The following PALLD variants were observed in gnomAD, a reference collection of about 807,000 sequenced individuals.
PALLD encodes palladin, cytoskeletal associated protein.
In PALLD, 61 loss-of-function variants were observed where a neutral mutation model predicts 123.5. The ratio of observed to expected loss-of-function variants is 0.49; its 90% confidence interval spans 0.40 to 0.61. The LOEUF is 0.61. Among genes scored for constraint, PALLD ranks in the 20% least tolerant of loss-of-function variants. PALLD has a pLI of 0.00. For synonymous variants in PALLD, 465 were observed against 496.4 expected (o/e 0.94, Z 0.84); for missense variants, 1,273 against 1,377.0 (o/e 0.92, Z 1.20).
At chr4:168,891,173 T>C in intron 11 of PALLD, 116 bp downstream of exon 11, 7 of 1,082,686 alleles carry the variant, frequency 6.5e-6, no homozygotes, top group Non-Finnish European at 9.8e-6. Context: ...ATTATTATTA[T>C]TATTTTTGAG....
At chr4:168,836,421 C>G (rs115467954) in intron 10 of PALLD, among the ~76,000 whole-genome samples, 2,757 of 152,186 alleles carry the variant, frequency 0.018, 68 homozygotes, top group African/African-American at 0.061. Context: ...CTGGCAAAAG[C>G]TTTGTATTTT....
At chr4:168,538,097 T>C (rs997782088) in intron 2 of PALLD, among the ~76,000 whole-genome samples, 4 of 152,366 alleles carry the variant, frequency 2.6e-5, no homozygotes, top group South Asian at 4.1e-4. Context: ...ATTGTGCTTA[T>C]ACATAGGCAT....
intron 2 of PALLD, among the ~76,000 whole-genome samples, chr4:168,553,615 G>A (rs1335489837): frequency 2.0e-5 from 3 of 152,172 alleles, no homozygotes; most frequent in South Asian, 2.1e-4. Flanking sequence ...TAGACTGAAC[G>A]TTTGTGTATA....
chr4:168,727,118 G>A (rs1360414971), intron 10 of PALLD, among the ~76,000 whole-genome samples: 1 of 152,144 alleles, frequency 6.6e-6, no homozygotes, highest in Non-Finnish European at 1.5e-5. Context: ...TCTTTATCCA[G>A]TTGACCACTG....
At chr4:168,595,667 A>C (rs1434185747) in intron 2 of PALLD, among the ~76,000 whole-genome samples, 2 of 152,150 alleles carry the variant, frequency 1.3e-5, no homozygotes, top group African/African-American at 2.4e-5. Context: ...TTGCTGTGAC[A>C]ATGTCCTTGG....
At chr4:168,807,854 C>T (rs566361975) in intron 10 of PALLD, among the ~76,000 whole-genome samples, 15 of 152,086 alleles carry the variant, frequency 9.9e-5, no homozygotes, top group African/African-American at 2.7e-4. Flanking sequence ...TACAGGCATG[C>T]GCCACCATGC....
At chr4:168,642,518 C>T (rs1177315898) in intron 2 of PALLD, among the ~76,000 whole-genome samples, 1 of 152,202 alleles carries the variant, frequency 6.6e-6, no homozygotes, top group Non-Finnish European at 1.5e-5. Flanking sequence ...CCTCCTGCCT[C>T]AGCCTCCCGA....
chr4:168,552,153 G>T (rs1766802548), intron 2 of PALLD, among the ~76,000 whole-genome samples: 1 of 152,110 alleles, frequency 6.6e-6, no homozygotes, highest in Non-Finnish European at 1.5e-5. Flanking sequence ...CACCCAAGTT[G>T]ACTCAGCCAG....
intron 3 of PALLD, among the ~76,000 whole-genome samples, chr4:168,675,833 A>C (rs2150054013): frequency 6.6e-6 from 1 of 152,166 alleles, no homozygotes; most frequent in African/African-American, 2.4e-5. Context: ...AGGCAGAAAA[A>C]TCACTTAGTC....
At position 168,847,649 on chromosome 4, in the gene PALLD, C is replaced by T. The variant is rs72975204; in HGVS notation, c.1965-43273C>T. Among the ~76,000 whole-genome samples the T allele has an allele frequency of 8.0e-3, 1,213 of 152,224 alleles. 13 individuals are homozygous for T. Among genetic ancestry groups the T allele is most frequent in the African/African-American group, 0.027 (1,115 of 41,522 alleles). Reference sequence around the variant, plus strand: ...TCTTTACATTTACTTTATTATCGTACTACTTTCACTTTATTTTTTAATTAA... The same window carrying T: ...TCTTTACATTTACTTTATTATCGTATTACTTTCACTTTATTTTTTAATTAA... On this transcript the variant is annotated intron_variant, in intron 10 of 21. Transcript: ENST00000505667.
chr4:168,639,543 A>AC (rs964645640), intron 2 of PALLD, among the ~76,000 whole-genome samples: 2 of 147,010 alleles, frequency 1.4e-5, no homozygotes, highest in Admixed American at 6.7e-5. Context: ...TGGCCATTCA[A>AC]CTTTTTTTTT....
chr4:168,771,647 G>T (rs1041714986), intron 10 of PALLD, among the ~76,000 whole-genome samples: 1 of 152,034 alleles, frequency 6.6e-6, no homozygotes, highest in Non-Finnish European at 1.5e-5. Context: ...CTAACTCTGG[G>T]TGCCCACACC....
At chr4:168,816,414 T>TATATATA (rs1554088402) in intron 10 of PALLD, among the ~76,000 whole-genome samples, 1 of 123,788 alleles carries the variant, frequency 8.1e-6, no homozygotes, top group South Asian at 2.4e-4. Context: ...TATATATATA[T>TATATATA]TTTTTTTAAG....
chr4:168,640,051 T>C (rs1776786271), intron 2 of PALLD, among the ~76,000 whole-genome samples: 1 of 152,188 alleles, frequency 6.6e-6, no homozygotes, highest in Non-Finnish European at 1.5e-5. Flanking sequence ...CAAAGAAGTC[T>C]CATGAAGGTA....
intron 10 of PALLD, among the ~76,000 whole-genome samples, chr4:168,759,006 C>T (rs1732298314): frequency 6.6e-6 from 1 of 150,858 alleles, no homozygotes. Flanking sequence ...GAAACCCCGT[C>T]TCTACTAAAA....
intron 2 of PALLD, among the ~76,000 whole-genome samples, chr4:168,607,721 T>C: frequency 6.6e-6 from 1 of 152,162 alleles, no homozygotes; most frequent in East Asian, 1.9e-4. Flanking sequence ...GTCATGCTGT[T>C]ATTCTGTTCC....
intron 3 of PALLD, among the ~76,000 whole-genome samples, chr4:168,670,497 G>T (rs1056729230): frequency 1.3e-5 from 2 of 151,940 alleles, no homozygotes; most frequent in African/African-American, 2.4e-5. Context: ...ACTTTGGGAG[G>T]CCGAGGCGGG....
chr4:168,557,333 C>G (rs982408905), intron 2 of PALLD, among the ~76,000 whole-genome samples: 3 of 152,162 alleles, frequency 2.0e-5, no homozygotes, highest in African/African-American at 7.2e-5. Context: ...CGTGAGCCAC[C>G]ACTCCCGGCC....
intron 10 of PALLD, among the ~76,000 whole-genome samples, chr4:168,729,358 C>G (rs1185193241): frequency 6.6e-6 from 1 of 151,416 alleles, no homozygotes; most frequent in Admixed American, 6.6e-5. Context: ...GAGACGGGGT[C>G]TTGCTATGTT....
Sources: allele counts gnomAD v4.1 joint callset (sites outside exome capture counted in the v4.1 genomes callset), GRCh38; gene constraint gnomAD v4.1.1; transcripts MANE v1.5; gene names NCBI Gene and HGNC (gene_info 2026-07-23, HGNC 2026-07-21).